Variants in MYRIP observed in about 807,000 individuals in gnomAD.
The protein encoded by MYRIP is myosin VIIA and Rab interacting protein.
A neutral mutation model predicts 98.0 loss-of-function variants in MYRIP; 49 were observed. That is an observed-to-expected ratio of 0.50 (90% CI 0.40 to 0.63). The LOEUF is 0.63. Among genes scored for constraint, MYRIP ranks in the 30% least tolerant of loss-of-function variants. The pLI, the probability that MYRIP is intolerant of heterozygous loss-of-function variation, is 0.00. For synonymous variants in MYRIP, 404 were observed against 409.5 expected, an observed-to-expected ratio of 0.99 and a Z score of 0.16; for missense variants, 1,004 against 1,058.2, an observed-to-expected ratio of 0.95 and a Z score of 0.71.
intron 1 of MYRIP, among the ~76,000 whole-genome samples, chr3:39,876,995 T>G (rs1016543637): frequency 4.6e-5 from 7 of 152,234 alleles, no homozygotes; most frequent in Non-Finnish European, 1.0e-4. Flanking sequence ...GACATAGATT[T>G]GGTCTTTTCA....
Position 40,210,113 on chromosome 3 carries a change from C to T in MYRIP, c.1905+20C>T, listed in dbSNP as rs111574193. 5,540 of 1,610,734 alleles carry T rather than the reference C, an allele frequency of 3.4e-3. 54 individuals carry two copies. Among genetic ancestry groups the T allele is most frequent in the Middle Eastern group, 0.033 (188 of 5,704 alleles). ...AAGAAGGTAAGGGCTGTGAAGCCACCTGCAGACAGCTCAAGCTTCTGCAGT... is the reference window on the plus strand; with the variant it reads ...AAGAAGGTAAGGGCTGTGAAGCCACTTGCAGACAGCTCAAGCTTCTGCAGT... On this transcript the variant is annotated intron_variant, in intron 11 of 16. Transcript: ENST00000302541.
chr3:40,255,196 G>A (rs1394962132), intron 16 of MYRIP, among the ~76,000 whole-genome samples: 1 of 152,134 alleles, frequency 6.6e-6, no homozygotes, highest in Non-Finnish European at 1.5e-5. Flanking sequence ...CTAGTGTCAG[G>A]GAAGGAATTG....
At chr3:39,903,216 C>T (rs1013506589) in intron 2 of MYRIP, among the ~76,000 whole-genome samples, 1 of 152,124 alleles carries the variant, frequency 6.6e-6, no homozygotes, top group Non-Finnish European at 1.5e-5. Context: ...AATTGCCAAA[C>T]ATTTGCCTCA....
intron 2 of MYRIP, among the ~76,000 whole-genome samples, chr3:39,963,505 G>A (rs1036229145): frequency 6.6e-6 from 1 of 152,130 alleles, no homozygotes; most frequent in Non-Finnish European, 1.5e-5. Context: ...TGCTATTGAT[G>A]CAGAGATGAA....
At chr3:39,954,379 C>T (rs766895458) in intron 2 of MYRIP, among the ~76,000 whole-genome samples, 15 of 152,156 alleles carry the variant, frequency 9.9e-5, no homozygotes, top group East Asian at 1.9e-4. Flanking sequence ...CTGTAGCCTC[C>T]GCTGGGGTGA....
rs766305083 is a variant in MYRIP, at chr3:40,259,402, T to C, written c.*1236T>C. On this transcript the variant is annotated 3_prime_UTR_variant, in exon 17 of 17. Transcript: ENST00000302541. ...AAGAAAGGAGGCAAGAGAATAGTTA[T>C]GATGAATATGTGTTAAGTGCCTGCT... The C allele has an allele frequency of 2.6e-5, 4 of 152,242 alleles. No individual in the cohort carries two copies. The highest frequency in any genetic ancestry group is 6.5e-5 in the Admixed American group (1 of 15,282). The allele number at this position is 152,242 out of a possible 1,614,324, so 9.4% of individuals were successfully genotyped here.
chr3:40,196,085 A>AT (rs1330513175), intron 10 of MYRIP, among the ~76,000 whole-genome samples: 2 of 151,698 alleles, frequency 1.3e-5, no homozygotes, highest in African/African-American at 4.8e-5. Flanking sequence ...TAGTTTATAG[A>AT]TTTTTTTTCT....
At chr3:40,107,964 A>G (rs2125898602) in intron 3 of MYRIP, among the ~76,000 whole-genome samples, 1 of 152,320 alleles carries the variant, frequency 6.6e-6, no homozygotes, top group Admixed American at 6.5e-5. Context: ...AACCAACTGC[A>G]TCCGTGTCCC....
intron 3 of MYRIP, among the ~76,000 whole-genome samples, chr3:40,131,841 C>CT (rs1949649987): frequency 6.6e-6 from 1 of 151,888 alleles, no homozygotes; most frequent in African/African-American, 2.4e-5. Flanking sequence ...CCTCATATCT[C>CT]CTCTTTTCCA....
intron 4 of MYRIP, among the ~76,000 whole-genome samples, chr3:40,161,852 G>A (rs1331263879): frequency 6.6e-6 from 1 of 152,112 alleles, no homozygotes; most frequent in Non-Finnish European, 1.5e-5. Context: ...ATCTTACCAG[G>A]TCATCTCTGT....
In MYRIP at chr3:40,136,981, A is replaced by G. The variant is rs1949791275; in HGVS notation, c.333-14067A>G. 2.6e-5 allele frequency among the ~76,000 whole-genome samples: 4 copies of G among 152,338 alleles called. No individual in the cohort carries two copies. The South Asian group carries it at 8.3e-4, about 32-fold the overall frequency. The stretch of plus-strand genomic sequence containing the variant: ...ACATCACAATTAAAAGAACTAGAGA[A>G]GCAAGAGCAAACACATTCAAAAGCT... On this transcript the variant is annotated intron_variant, in intron 3 of 16. Coordinates refer to ENST00000302541, the MANE Select transcript of MYRIP (RefSeq NM_015460.4).
At chr3:39,904,085 T>C (rs1943817641) in intron 2 of MYRIP, among the ~76,000 whole-genome samples, 1 of 152,196 alleles carries the variant, frequency 6.6e-6, no homozygotes. Flanking sequence ...ACTTTTTTAG[T>C]TTGTCATTTT....
chr3:39,927,327 G>T lies in MYRIP; in HGVS notation c.110+26401G>T, dbSNP rs146364060. On this transcript the variant is annotated intron_variant, in intron 2 of 16. Coordinates refer to ENST00000302541, the MANE Select transcript of MYRIP (RefSeq NM_015460.4). Reference sequence around the variant, plus strand: ...TGGATACCTTTTATTTGCTTCTCTTGCCTGATTGCTCTGGCTAGGGCTTCT... The same window carrying T: ...TGGATACCTTTTATTTGCTTCTCTTTCCTGATTGCTCTGGCTAGGGCTTCT... Among the ~76,000 whole-genome samples, 900 of 151,900 alleles carry T rather than the reference G, an allele frequency of 5.9e-3. 7 individuals carry two copies. The highest frequency in any genetic ancestry group is 0.02 in the African/African-American group (846 of 41,448).
intron 11 of MYRIP, among the ~76,000 whole-genome samples, chr3:40,224,836 C>T (rs948462982): frequency 6.6e-6 from 1 of 152,216 alleles, no homozygotes; most frequent in African/African-American, 2.4e-5. Flanking sequence ...TTATTAAGTT[C>T]ATGTTCCAAT....
intron 2 of MYRIP, among the ~76,000 whole-genome samples, chr3:40,006,192 G>A (rs139140069): frequency 1.3e-3 from 204 of 152,352 alleles, no homozygotes; most frequent in African/African-American, 4.7e-3. Context: ...GTCTGTGAAA[G>A]CATGCTAAGC....
intron 2 of MYRIP, among the ~76,000 whole-genome samples, chr3:39,914,653 C>A (rs1450142076): frequency 6.6e-6 from 1 of 151,906 alleles, no homozygotes; most frequent in Non-Finnish European, 1.5e-5. Context: ...TCCAAGCAAG[C>A]AAGCAAAAAA....
At position 40,189,855 on chromosome 3, in the gene MYRIP, G is replaced by A. The variant is rs151142713; in HGVS notation, c.1057G>A (p.Gly353Arg). 617 of 1,613,392 alleles carry A rather than the reference G, an allele frequency of 3.8e-4. 5 individuals carry two copies. In the Middle Eastern group the frequency reaches 6.3e-3, roughly 16 times the overall value. ...NLAPVLQSPD[G>R]NWVALKDGAP... ...GGCCCCAGTTTTGCAGAGCCCCGAC[G>A]GGAACTGGGTGGCCCTGAAGGATGG... Residue 353 changes from glycine to arginine, a missense_variant, in exon 10 of 17, where the codon GGG becomes AGG. Gly to Arg is a moderately radical substitution (Grantham distance 125). Transcript: ENST00000302541.
chr3:39,921,231 A>C (rs1168239346), intron 2 of MYRIP, among the ~76,000 whole-genome samples: 2 of 152,238 alleles, frequency 1.3e-5, no homozygotes, highest in Non-Finnish European at 2.9e-5. Context: ...TTCTAAATGT[A>C]GATTCTTAGT....
intron 2 of MYRIP, among the ~76,000 whole-genome samples, chr3:39,932,857 C>T (rs1309461223): frequency 6.6e-6 from 1 of 152,182 alleles, no homozygotes; most frequent in African/African-American, 2.4e-5. Context: ...CCAGGAGCCT[C>T]ACTTCTCAGA....
Sources: allele counts gnomAD v4.1 joint callset (sites outside exome capture counted in the v4.1 genomes callset), GRCh38; gene constraint gnomAD v4.1.1; transcripts MANE v1.5; gene names NCBI Gene and HGNC (gene_info 2026-07-23, HGNC 2026-07-21).